ROBO1: variants seen among roughly 807,000 people sequenced by gnomAD.
ROBO1 encodes the protein roundabout guidance receptor 1.
In ROBO1, 149 loss-of-function variants were observed where a neutral mutation model predicts 195.9. The ratio of observed to expected loss-of-function variants is 0.76; its 90% CI spans 0.67 to 0.87. The LOEUF (loss-of-function observed/expected upper bound fraction) is 0.87. Ranked by LOEUF, ROBO1 falls within the 40% of genes least tolerant of loss-of-function variation. The pLI is 0.00. For missense variants in ROBO1, 1,933 were observed against 2,068.3 expected, an observed-to-expected ratio of 0.93 and a Z score of 1.27; for synonymous variants, 816 against 733.2, an observed-to-expected ratio of 1.11 and a Z score of -1.82.
chr3:79,746,572 C>G (rs1279435551), intron 1 of ROBO1, among the ~76,000 whole-genome samples: 3 of 152,062 alleles, frequency 2.0e-5, no homozygotes, highest in Non-Finnish European at 4.4e-5. Flanking sequence ...TTCTACCTCA[C>G]TTTTCCTGTC....
chr3:79,680,475 A>G (rs749522592), intron 1 of ROBO1, among the ~76,000 whole-genome samples: 1 of 152,052 alleles, frequency 6.6e-6, no homozygotes, highest in Non-Finnish European at 1.5e-5. Context: ...TGGATGGGAA[A>G]GGAAAATACA....
chr3:79,680,361 G>T (rs1443392153), intron 1 of ROBO1, among the ~76,000 whole-genome samples: 1 of 151,968 alleles, frequency 6.6e-6, no homozygotes, highest in South Asian at 2.1e-4. Flanking sequence ...TTAACAGGAA[G>T]AATGTCAAAG....
intron 2 of ROBO1, among the ~76,000 whole-genome samples, chr3:79,582,064 G>A (rs1943679514): frequency 6.6e-6 from 1 of 151,660 alleles, no homozygotes; most frequent in Non-Finnish European, 1.5e-5. Flanking sequence ...AGTTTAAGTG[G>A]CATTTTCAGT....
intron 2 of ROBO1, among the ~76,000 whole-genome samples, chr3:79,183,718 G>C (rs2081386727): frequency 6.6e-6 from 1 of 152,202 alleles, no homozygotes; most frequent in Admixed American, 6.5e-5. Flanking sequence ...TCTGGATTGG[G>C]TCCAATATTG....
At chr3:79,746,956 T>C (rs773429029) in intron 1 of ROBO1, among the ~76,000 whole-genome samples, 3 of 152,098 alleles carry the variant, frequency 2.0e-5, no homozygotes, top group Non-Finnish European at 2.9e-5. Flanking sequence ...TGATCAGTTA[T>C]ACTTTGCTAA....
At chr3:79,715,025 A>G (rs906484725) in intron 1 of ROBO1, among the ~76,000 whole-genome samples, 22 of 152,056 alleles carry the variant, frequency 1.4e-4, no homozygotes, top group Admixed American at 1.4e-3. Flanking sequence ...AAAAAAGTGG[A>G]ATCTAAAGAT....
intron 3 of ROBO1, among the ~76,000 whole-genome samples, chr3:78,979,647 A>G (rs971165531): frequency 6.6e-6 from 1 of 152,140 alleles, no homozygotes; most frequent in African/African-American, 2.4e-5. Context: ...CCCCTTTACT[A>G]ACCAAAGAGT....
At chr3:78,823,749 C>G (rs563414954) in intron 4 of ROBO1, among the ~76,000 whole-genome samples, 2 of 152,274 alleles carry the variant, frequency 1.3e-5, no homozygotes, top group South Asian at 4.1e-4. Context: ...CCATACTTAC[C>G]CTTTTTGTTT....
intron 2 of ROBO1, among the ~76,000 whole-genome samples, chr3:79,176,701 G>T (rs547202930): frequency 1.3e-5 from 2 of 152,180 alleles, no homozygotes; most frequent in South Asian, 4.1e-4. Flanking sequence ...CAAGTGATCT[G>T]CCCCCAGCTC....
intron 1 of ROBO1, among the ~76,000 whole-genome samples, chr3:79,673,350 A>C (rs1037657601): frequency 2.4e-4 from 36 of 151,788 alleles, no homozygotes; most frequent in African/African-American, 8.2e-4. Context: ...GGGTGTGTAT[A>C]ATTTTTAGAT....
intron 2 of ROBO1, among the ~76,000 whole-genome samples, chr3:79,348,451 G>C (rs539305328): frequency 6.6e-6 from 1 of 152,210 alleles, no homozygotes; most frequent in South Asian, 2.1e-4. Context: ...ATGAGGCAAA[G>C]TCTTCCTCCA....
intron 3 of ROBO1, among the ~76,000 whole-genome samples, chr3:78,956,288 T>A (rs1455053518): frequency 3.3e-5 from 5 of 152,068 alleles, no homozygotes; most frequent in Non-Finnish European, 7.4e-5. Context: ...TATACAACAT[T>A]TAATGCAAAA....
intron 2 of ROBO1, among the ~76,000 whole-genome samples, chr3:79,544,792 T>TA (rs1942202804): frequency 6.6e-6 from 1 of 152,110 alleles, no homozygotes; most frequent in African/African-American, 2.4e-5. Context: ...CCATCTGTAT[T>TA]AAGGTACAGA....
At chr3:79,593,867 T>C (rs1944080570) in intron 1 of ROBO1, among the ~76,000 whole-genome samples, 1 of 152,054 alleles carries the variant, frequency 6.6e-6, no homozygotes, top group Admixed American at 6.6e-5. Context: ...TCTGCCCGCT[T>C]TGGCCTCCCA....
At chr3:78,917,720 G>C (rs950646794) in intron 4 of ROBO1, among the ~76,000 whole-genome samples, 1 of 152,168 alleles carries the variant, frequency 6.6e-6, no homozygotes, top group Non-Finnish European at 1.5e-5. Flanking sequence ...TCATGTCCCA[G>C]TAAGATAATT....
At chr3:79,445,352 A>C (rs2039205847) in intron 2 of ROBO1, among the ~76,000 whole-genome samples, 2 of 152,020 alleles carry the variant, frequency 1.3e-5, no homozygotes, top group African/African-American at 4.8e-5. Context: ...ACTTGATGAA[A>C]ACTACAACAA....
At chr3:79,562,648 AAGG>A (rs776158813) in intron 2 of ROBO1, among the ~76,000 whole-genome samples, 15 of 152,052 alleles carry the variant, frequency 9.9e-5, no homozygotes, top group Non-Finnish European at 2.1e-4. Flanking sequence ...ATTAAATAAT[AAGG>A]AGATGAAATT....
At chr3:79,395,192 G>A (rs373850417) in intron 2 of ROBO1, among the ~76,000 whole-genome samples, 1 of 151,428 alleles carries the variant, frequency 6.6e-6, no homozygotes, top group Admixed American at 6.6e-5. Context: ...GCGTGGTGGC[G>A]GCACCTGTGG....
intron 4 of ROBO1, among the ~76,000 whole-genome samples, chr3:78,872,806 GA>G (rs2035628069): frequency 6.6e-6 from 1 of 152,040 alleles, no homozygotes; most frequent in Admixed American, 6.6e-5. Flanking sequence ...TTGAGTATAA[GA>G]GTTACAGAAA....
Sources: allele counts gnomAD v4.1 joint callset (sites outside exome capture counted in the v4.1 genomes callset), GRCh38; gene constraint gnomAD v4.1.1; transcripts MANE v1.5; gene names NCBI Gene and HGNC (gene_info 2026-07-23, HGNC 2026-07-21).